Variants in LMTK2 observed in about 807,000 individuals in gnomAD.
The protein encoded by LMTK2 is lemur tail kinase 2.
A neutral mutation model predicts 127.5 loss-of-function variants in LMTK2; 37 were observed. That is an observed-to-expected ratio of 0.29 (90% confidence interval 0.22 to 0.38). The LOEUF (loss-of-function observed/expected upper bound fraction) is 0.38. Ranked by LOEUF, LMTK2 falls within the 10% of genes least tolerant of loss-of-function variation. The probability of loss-of-function intolerance (pLI) is 1.00; values close to 1 mark genes in which losing one functional copy is unlikely to be tolerated. For synonymous variants in LMTK2, 819 were observed against 810.1 expected, an observed-to-expected ratio of 1.01 and a Z score of -0.19; for missense variants, 1,694 against 1,920.3, an observed-to-expected ratio of 0.88 and a Z score of 2.20.
chr7:98,191,413 G>A (rs1190861144), intron 10 of LMTK2, among the ~76,000 whole-genome samples: 11 of 152,210 alleles, frequency 7.2e-5, no homozygotes, highest in Non-Finnish European at 1.3e-4. Flanking sequence ...TTAGCTGGGC[G>A]CGGCAGCGGG....
chr7:98,157,110 A>T (rs762772018), intron 5 of LMTK2, among the ~76,000 whole-genome samples: 1 of 152,050 alleles, frequency 6.6e-6, no homozygotes, highest in Non-Finnish European at 1.5e-5. Flanking sequence ...TTAGTTGGGC[A>T]TGGTGGCATC....
chr7:98,167,488 A>C (rs1797118499), intron 6 of LMTK2, among the ~76,000 whole-genome samples: 1 of 152,190 alleles, frequency 6.6e-6, no homozygotes, highest in African/African-American at 2.4e-5. Flanking sequence ...TGGTGCTGGG[A>C]CCAATACCAC....
chr7:98,195,759 T>A (rs1011608905), intron 11 of LMTK2, among the ~76,000 whole-genome samples: 1 of 152,224 alleles, frequency 6.6e-6, no homozygotes, highest in African/African-American at 2.4e-5. Flanking sequence ...CCCCAGGAGC[T>A]GCGTCTGTTG....
At chr7:98,165,738 C>T (rs182002951) in intron 6 of LMTK2, among the ~76,000 whole-genome samples, 1 of 152,274 alleles carries the variant, frequency 6.6e-6, no homozygotes, top group Non-Finnish European at 1.5e-5. Context: ...GCCCCATGCA[C>T]CAGGGCACCT....
At chr7:98,186,836 A>T in intron 8 of LMTK2, 41 bp from the exon 9 acceptor site, 1 of 1,578,830 alleles carries the variant, frequency 6.3e-7, no homozygotes, top group Non-Finnish European at 8.7e-7. Context: ...CACCAAAAGT[A>T]TAATTCTATT....
chr7:98,123,272 AC>A (rs1319934425), intron 1 of LMTK2, among the ~76,000 whole-genome samples: 2 of 152,186 alleles, frequency 1.3e-5, no homozygotes, highest in African/African-American at 2.4e-5. Context: ...CTTTTTCTCA[AC>A]ACAGTCACTT....
intron 5 of LMTK2, among the ~76,000 whole-genome samples, 179 bp downstream of exon 5, chr7:98,155,055 G>A (rs11773169): frequency 0.22 from 33,125 of 152,068 alleles, 3,778 homozygotes; most frequent in South Asian, 0.38. Flanking sequence ...CAAGAACCAG[G>A]AGAACTCAGC....
At chr7:98,143,616 A>G (rs1796728758) in intron 3 of LMTK2, among the ~76,000 whole-genome samples, 1 of 152,194 alleles carries the variant, frequency 6.6e-6, no homozygotes, top group South Asian at 2.1e-4. Context: ...AAGAAATGAC[A>G]CCAGGTAGTG....
Position 98,176,333 on chromosome 7 carries a change from A to G in LMTK2, c.791+4659A>G, listed in dbSNP as rs76340384. Among the ~76,000 whole-genome samples the G allele has an allele frequency of 1.7e-3, 252 of 152,322 alleles. 2 individuals are homozygous for G. Among genetic ancestry groups the G allele is most frequent in the African/African-American group, 5.8e-3 (241 of 41,574 alleles). On this transcript the variant is annotated intron_variant, in intron 7 of 13. Transcript: ENST00000297293. The stretch of plus-strand genomic sequence containing the variant: ...ATACAACTTAAATATCATATGGACT[A>G]AGACTCAAAACTTTACCAAAACTTA...
intron 9 of LMTK2, among the ~76,000 whole-genome samples, chr7:98,188,016 G>A (rs1355994458): frequency 2.6e-5 from 4 of 152,178 alleles, no homozygotes; most frequent in African/African-American, 4.8e-5. Flanking sequence ...TTCAAAAGCC[G>A]CTCTTAGAGC....
chr7:98,118,732 A>G (rs114585623), intron 1 of LMTK2, among the ~76,000 whole-genome samples: 2,175 of 152,250 alleles, frequency 0.014, 52 homozygotes, highest in African/African-American at 0.05. Context: ...AAAATGCTTC[A>G]GGAAGAAGTA....
intron 1 of LMTK2, among the ~76,000 whole-genome samples, chr7:98,133,726 G>A (rs1264239793): frequency 6.6e-6 from 1 of 152,120 alleles, no homozygotes; most frequent in East Asian, 1.9e-4. Flanking sequence ...GCAGAAGTAA[G>A]TGTAGCAGAG....
chr7:98,192,390 C>T lies in LMTK2; in HGVS notation c.1925C>T (p.Ser642Leu), dbSNP rs527582963. The change falls in exon 11 of 14, where the codon TCG becomes TTG. Residue 642 changes from serine (S) to leucine (L), a missense_variant. Transcript: ENST00000297293. ...FNNIFNDVDK[S>L]EDLPSHQKIF... Reference sequence around the variant, plus strand: ...AATATATTTAATGATGTGGACAAATCGGAAGATTTGCCCAGTCACCAAAAA... The same window carrying T: ...AATATATTTAATGATGTGGACAAATTGGAAGATTTGCCCAGTCACCAAAAA... The T allele has an allele frequency of 5.4e-5, 87 of 1,609,578 alleles. 2 individuals carry two copies. In the South Asian group the frequency reaches 6.1e-4, roughly 11 times the overall value.
chr7:98,112,467 T>G (rs1796215468), intron 1 of LMTK2, among the ~76,000 whole-genome samples: 1 of 152,256 alleles, frequency 6.6e-6, no homozygotes, highest in Non-Finnish European at 1.5e-5. Context: ...GATGCTTAAA[T>G]GTAAACGTTT....
intron 2 of LMTK2, among the ~76,000 whole-genome samples, chr7:98,140,194 G>T (rs58426221): frequency 0.29 from 1,341 of 4,662 alleles, 373 homozygotes; most frequent in Middle Eastern, 0.5. Context: ...TCTTCTTTCT[G>T]TCTTTGAGAT....
intron 1 of LMTK2, among the ~76,000 whole-genome samples, chr7:98,130,816 C>T (rs970952661): frequency 7.9e-5 from 12 of 152,112 alleles, no homozygotes; most frequent in Admixed American, 6.5e-4. Flanking sequence ...CTTGGAGCTT[C>T]CAAAACTAGA....
intron 1 of LMTK2, 64 bp downstream of exon 1, chr7:98,107,344 G>A (rs1171456770): frequency 3.7e-6 from 4 of 1,067,428 alleles, no homozygotes; most frequent in Middle Eastern, 3.4e-4. Context: ...GGGGGCGGCA[G>A]GGCCGGGCCG....
intron 9 of LMTK2, among the ~76,000 whole-genome samples, 158 bp downstream of exon 9, chr7:98,187,156 A>G (rs541332556): frequency 6.6e-6 from 1 of 152,342 alleles, no homozygotes; most frequent in South Asian, 2.1e-4. Context: ...ACAAATAGTA[A>G]TTATCACAAT....
At chr7:98,156,940 C>G (rs1796933780) in intron 5 of LMTK2, among the ~76,000 whole-genome samples, 1 of 152,134 alleles carries the variant, frequency 6.6e-6, no homozygotes, top group African/African-American at 2.4e-5. Flanking sequence ...TGCTTTACTC[C>G]AAGTCCACCG....
Sources: allele counts gnomAD v4.1 joint callset (sites outside exome capture counted in the v4.1 genomes callset), GRCh38; gene constraint gnomAD v4.1.1; transcripts MANE v1.5; gene names NCBI Gene and HGNC (gene_info 2026-07-23, HGNC 2026-07-21).